The following KIF16B variants were observed in gnomAD, a reference collection of about 807,000 sequenced individuals.
The protein encoded by KIF16B is kinesin family member 16B.
Under a neutral mutation model 156.3 loss-of-function variants are expected in KIF16B, and 98 were observed. The observed-to-expected ratio is 0.63, with a 90% confidence interval of 0.53 to 0.74. KIF16B has a LOEUF of 0.74. Ranked by LOEUF, KIF16B falls within the 30% of genes least tolerant of loss-of-function variation. The pLI is 0.00. For synonymous variants in KIF16B, 564 were observed against 583.7 expected (o/e 0.97, Z 0.49); for missense variants, 1,421 against 1,606.5 (o/e 0.88, Z 1.97).
At chr20:16,280,773 C>A (rs2063132591) in intron 25 of KIF16B, among the ~76,000 whole-genome samples, 1 of 152,126 alleles carries the variant, frequency 6.6e-6, no homozygotes, top group South Asian at 2.1e-4. Context: ...TTCTTTGGGG[C>A]TGTCCATACT....
chr20:16,378,677 T>C lies in KIF16B; in HGVS notation c.3197+128A>G, dbSNP rs941879180. On this transcript the variant is annotated intron_variant, in intron 19 of 25. Transcript: ENST00000354981. ...TCTGGCAAATATAAGCATTTGCCTA[T>C]GTATTAAAGAATATGAAGGCTAAAA... 14 of 912,046 alleles carry C rather than the reference T, an allele frequency of 1.5e-5. No individual in the cohort carries two copies. In the African/African-American group the frequency reaches 1.7e-4, roughly 11 times the overall value. 56.5% of individuals were successfully genotyped at this position (912,046 alleles called of 1,614,324 possible).
intron 12 of KIF16B, among the ~76,000 whole-genome samples, chr20:16,445,595 T>G (rs949194870): frequency 6.6e-6 from 1 of 152,092 alleles, no homozygotes; most frequent in Non-Finnish European, 1.5e-5. Flanking sequence ...TTGATGACCT[T>G]TTTCTGAAAA....
intron 17 of KIF16B, among the ~76,000 whole-genome samples, chr20:16,390,540 A>G (rs1568926365): frequency 6.6e-6 from 1 of 152,120 alleles, no homozygotes; most frequent in Non-Finnish European, 1.5e-5. Flanking sequence ...TGAGGCCCAT[A>G]GAGTGTGAGA....
chr20:16,369,213 G>A (rs2064756470), intron 22 of KIF16B: 1 of 985,686 alleles, frequency 1.0e-6, no homozygotes. Flanking sequence ...AAGTGTCAGT[G>A]GCATCTCTGG....
Position 16,426,975 on chromosome 20 carries a change from GCAAA to G in KIF16B, c.1612+125_1612+128del, listed in dbSNP as rs569718966. On this transcript the variant is annotated intron_variant, in intron 15 of 25. Transcript: ENST00000354981. ...AACAGAAGAGAAACAGCCTATTGAA[GCAAA>G]CAGTCTCACCCTTTTTATACCTAAT... 1.8e-3 allele frequency: 1,330 copies of G among 723,922 alleles called. 4 individuals carry two copies. The highest frequency in any genetic ancestry group is 2.4e-3 in the Non-Finnish European group (1,114 of 472,756). 44.8% of individuals were successfully genotyped at this position (723,922 alleles called of 1,614,324 possible). A position where few individuals can be genotyped will look rare whatever the true frequency, so the allele number is the denominator to read the frequency against.
chr20:16,492,701 C>T (rs17673673), intron 12 of KIF16B, among the ~76,000 whole-genome samples: 18,116 of 152,016 alleles, frequency 0.12, 1,391 homozygotes, highest in Non-Finnish European at 0.18. Flanking sequence ...CATGGAGGGA[C>T]GCTGCCGCAG....
At chr20:16,385,604 A>C (rs1600260308) in intron 17 of KIF16B, among the ~76,000 whole-genome samples, 1 of 152,346 alleles carries the variant, frequency 6.6e-6, no homozygotes, top group African/African-American at 2.4e-5. Context: ...AGACACGACA[A>C]GTAAGATGCC....
At chr20:16,338,249 C>A (rs1407018765) in intron 23 of KIF16B, among the ~76,000 whole-genome samples, 1 of 152,176 alleles carries the variant, frequency 6.6e-6, no homozygotes, top group African/African-American at 2.4e-5. Flanking sequence ...TTCATCCTAC[C>A]GTGCTGGGAT....
intron 12 of KIF16B, among the ~76,000 whole-genome samples, chr20:16,445,145 A>G (rs1238095629): frequency 6.6e-6 from 1 of 152,054 alleles, no homozygotes; most frequent in East Asian, 1.9e-4. Flanking sequence ...GGCTGCAGTG[A>G]GCTATGATTG....
chr20:16,293,899 C>T (rs1249315274), intron 25 of KIF16B, among the ~76,000 whole-genome samples: 1 of 151,810 alleles, frequency 6.6e-6, no homozygotes, highest in Non-Finnish European at 1.5e-5. Context: ...GCGAGTGTCC[C>T]TGAATATATG....
At position 16,314,301 on chromosome 20, in the gene KIF16B, C is replaced by T. The variant is rs752572974; in HGVS notation, c.3712-1883G>A. On this transcript the variant is annotated intron_variant, in intron 24 of 25. Coordinates refer to ENST00000354981, the MANE Select transcript of KIF16B (RefSeq NM_024704.5). ...GCCTTTTCCTCAAGTAAGAATAATT[C>T]TCCCTTTTCACTCTCTTAAAGGTGT... Among the ~76,000 whole-genome samples the T allele has an allele frequency of 4.8e-4, 73 of 152,312 alleles. 1 individual carries two copies. Among genetic ancestry groups the T allele is most frequent in the Non-Finnish European group, 7.5e-4 (51 of 68,032 alleles).
intron 25 of KIF16B, among the ~76,000 whole-genome samples, chr20:16,277,594 TC>T: frequency 6.6e-6 from 1 of 151,836 alleles, no homozygotes; most frequent in Non-Finnish European, 1.5e-5. Flanking sequence ...AAAATTAAAA[TC>T]CCCCTGTCAA....
chr20:16,370,528 T>C, intron 22 of KIF16B, 58 bp downstream of exon 22: 1 of 1,360,892 alleles, frequency 7.3e-7, no homozygotes, highest in Middle Eastern at 1.8e-4. Context: ...GAAAATGTAA[T>C]CACATGAGCA....
chr20:16,310,180 G>T (rs1199225085), intron 25 of KIF16B, among the ~76,000 whole-genome samples: 1 of 152,228 alleles, frequency 6.6e-6, no homozygotes, highest in Non-Finnish European at 1.5e-5. Flanking sequence ...CATAAGGTGT[G>T]GAAGCTGTTC....
Position 16,522,250 on chromosome 20 carries a change from A to G in KIF16B, c.231+3842T>C, listed in dbSNP as rs144170867. ...GGCAAATTAGATAGAGTCAAGACCCATTGGTGTGCTGTATTCAGGAGACCC... is the reference window on the plus strand; with the variant it reads ...GGCAAATTAGATAGAGTCAAGACCCGTTGGTGTGCTGTATTCAGGAGACCC... On this transcript the variant is annotated intron_variant, in intron 3 of 25. Coordinates refer to ENST00000354981, the MANE Select transcript of KIF16B (RefSeq NM_024704.5). 1.8e-4 allele frequency among the ~76,000 whole-genome samples: 27 copies of G among 152,310 alleles called. No homozygotes were observed. The East Asian group carries it at 5.2e-3, about 29-fold the overall frequency.
At chr20:16,374,942 C>T (rs375142430) in intron 19 of KIF16B, among the ~76,000 whole-genome samples, 19 of 152,132 alleles carry the variant, frequency 1.2e-4, no homozygotes, top group African/African-American at 2.9e-4. Context: ...GAAAGCAATA[C>T]GAGCAATGGG....
intron 12 of KIF16B, among the ~76,000 whole-genome samples, chr20:16,487,653 GA>G: frequency 6.6e-6 from 1 of 152,244 alleles, no homozygotes; most frequent in Non-Finnish European, 1.5e-5. Context: ...TCTTAAGCCG[GA>G]AAAGAATCCC....
At chr20:16,416,403 G>A (rs983391793) in intron 15 of KIF16B, among the ~76,000 whole-genome samples, 22 of 152,040 alleles carry the variant, frequency 1.4e-4, no homozygotes, top group African/African-American at 5.3e-4. Flanking sequence ...GTAAGGAAGG[G>A]GTCCAGTTTC....
At chr20:16,529,715 G>A (rs2147162448) in intron 1 of KIF16B, among the ~76,000 whole-genome samples, 1 of 152,348 alleles carries the variant, frequency 6.6e-6, no homozygotes, top group African/African-American at 2.4e-5. Context: ...ACTTCAGGAG[G>A]CAGAGGCGGG....
Sources: allele counts gnomAD v4.1 joint callset (sites outside exome capture counted in the v4.1 genomes callset), GRCh38; gene constraint gnomAD v4.1.1; transcripts MANE v1.5; gene names NCBI Gene and HGNC (gene_info 2026-07-23, HGNC 2026-07-21).